PTPRC: variants seen among roughly 807,000 people sequenced by gnomAD.
The protein encoded by PTPRC is receptor-type tyrosine-protein phosphatase C.
PTPRC carries 44 observed loss-of-function variants against 155.9 expected under a neutral mutation model. The ratio of observed to expected loss-of-function variants is 0.28; its 90% CI spans 0.22 to 0.36. The LOEUF is 0.36. PTPRC is among the 10% of genes least tolerant of loss of function. PTPRC has a pLI of 1.00. For synonymous variants in PTPRC, 525 were observed against 533.1 expected, an observed-to-expected ratio of 0.98 and a Z score of 0.21; for missense variants, 1,401 against 1,564.6, an observed-to-expected ratio of 0.90 and a Z score of 1.76.
intron 2 of PTPRC, among the ~76,000 whole-genome samples, chr1:198,689,729 T>C (rs1188309738): frequency 6.6e-6 from 1 of 152,192 alleles, no homozygotes; most frequent in Non-Finnish European, 1.5e-5. Flanking sequence ...AGCAATTACT[T>C]ATCAATCACT....
intron 3 of PTPRC, chr1:198,694,393 C>G (rs12134940): frequency 9.2e-7 from 1 of 1,088,792 alleles, no homozygotes; most frequent in Non-Finnish European, 1.2e-6. Flanking sequence ...CTTGGCAATA[C>G]GCTCACAGGC....
chr1:198,694,699 T>A, intron 3 of PTPRC: 1 of 976,018 alleles, frequency 1.0e-6, no homozygotes, highest in African/African-American at 1.8e-5. Context: ...TAGAAAGAAT[T>A]CTAAACTCTC....
chr1:198,714,820 G>T (rs1007713334), intron 12 of PTPRC, among the ~76,000 whole-genome samples: 3 of 152,076 alleles, frequency 2.0e-5, no homozygotes, highest in Non-Finnish European at 2.9e-5. Flanking sequence ...TATGAAATTT[G>T]CAGTTTACTT....
intron 2 of PTPRC, among the ~76,000 whole-genome samples, chr1:198,678,806 G>A (rs187439458): frequency 3.3e-4 from 49 of 148,388 alleles, no homozygotes; most frequent in Middle Eastern, 3.5e-3. Context: ...CTCTATTACT[G>A]TGGGCCTGGT....
chr1:198,675,826 G>A (rs978722568), intron 2 of PTPRC, among the ~76,000 whole-genome samples: 5 of 151,994 alleles, frequency 3.3e-5, no homozygotes, highest in African/African-American at 9.7e-5. Context: ...CTATATTCTC[G>A]GAAGGGATAA....
chr1:198,686,071 T>C (rs191332849), intron 2 of PTPRC, among the ~76,000 whole-genome samples: 39 of 152,230 alleles, frequency 2.6e-4, no homozygotes, highest in Admixed American at 3.9e-4. Flanking sequence ...GATCAGGGAC[T>C]TAGGGGTGTG....
At chr1:198,735,312 G>GA (rs1263344754) in intron 23 of PTPRC, 60 bp downstream of exon 23, 1 of 1,356,616 alleles carries the variant, frequency 7.4e-7, no homozygotes, top group East Asian at 2.6e-5. Flanking sequence ...TATAATTATG[G>GA]AATATTAAAA....
rs1392012289 is a variant in PTPRC, at chr1:198,752,757, T to C, written c.3494T>C (p.Leu1165Pro). 4.3e-6 allele frequency: 7 copies of C among 1,612,684 alleles called. No homozygotes were observed. In the South Asian group the frequency reaches 7.7e-5, roughly 18 times the overall value. ...AACAAGCATCACAAGAGTACACCTC[T>C]ACTCATTCACTGCAGGTGCGTGGGA... The part of the protein sequence containing the change: ...EGNKHHKSTP[L>P]LIHCRDGSQQ... Residue 1165 changes from leucine to proline, a missense_variant, in exon 31 of 33, where the codon CTA becomes CCA. By Grantham distance (98) the Leu-to-Pro change is moderately conservative. Around this residue, in one of 3 missense-constraint regions of PTPRC, gnomAD observed 400 missense variants for 389.5 expected, o/e 1.03. Transcript: ENST00000442510.
intron 24 of PTPRC, 96 bp downstream of exon 24, chr1:198,742,122 T>C: frequency 6.2e-7 from 1 of 1,600,710 alleles, no homozygotes; most frequent in Non-Finnish European, 8.6e-7. Context: ...CCTTTGGCAA[T>C]TGCTATTTTG....
At chr1:198,735,764 T>TATA (rs1654607387) in intron 23 of PTPRC, among the ~76,000 whole-genome samples, 1 of 151,624 alleles carries the variant, frequency 6.6e-6, no homozygotes, top group African/African-American at 2.4e-5. Flanking sequence ...ATGCATGTTA[T>TATA]ATAATTCCAT....
intron 15 of PTPRC, among the ~76,000 whole-genome samples, chr1:198,726,866 C>CTT (rs575567355): frequency 4.4e-4 from 61 of 138,090 alleles, no homozygotes; most frequent in East Asian, 1.0e-3. Context: ...CTTTTCTTTC[C>CTT]TTTTTTTTTT....
intron 20 of PTPRC, 106 bp downstream of exon 20, chr1:198,732,662 CAT>C (rs1654449869): frequency 1.1e-6 from 1 of 875,748 alleles, no homozygotes; most frequent in Admixed American, 2.3e-5. Flanking sequence ...GAAGTGAGCC[CAT>C]ATGTCACTGA....
intron 2 of PTPRC, among the ~76,000 whole-genome samples, chr1:198,684,847 G>T (rs1234549804): frequency 6.6e-6 from 1 of 151,876 alleles, no homozygotes; most frequent in Admixed American, 6.6e-5. Context: ...TCTCCCAAGT[G>T]CCTCTTTTGT....
At chr1:198,695,046 T>G (rs889477381) in intron 3 of PTPRC, 1 of 937,336 alleles carries the variant, frequency 1.1e-6, no homozygotes, top group African/African-American at 1.8e-5. Context: ...TGCATTTCTG[T>G]AATCACAGAA....
At chr1:198,646,095 A>T (rs191912165) in intron 2 of PTPRC, among the ~76,000 whole-genome samples, 2 of 151,984 alleles carry the variant, frequency 1.3e-5, no homozygotes, top group African/African-American at 2.4e-5. Flanking sequence ...ACCAACATTT[A>T]TGAGTTTTCC....
At chr1:198,720,432 C>T (rs572827858) in intron 14 of PTPRC, among the ~76,000 whole-genome samples, 5 of 152,030 alleles carry the variant, frequency 3.3e-5, no homozygotes, top group African/African-American at 4.8e-5. Flanking sequence ...CAGGTTCAAG[C>T]GATTCTCCTG....
chr1:198,684,377 T>C (rs896649690), intron 2 of PTPRC, among the ~76,000 whole-genome samples: 3 of 151,794 alleles, frequency 2.0e-5, no homozygotes, highest in Non-Finnish European at 4.4e-5. Context: ...ACACCATAAG[T>C]CATTGGGAGA....
At chr1:198,663,922 T>C (rs764305615) in intron 2 of PTPRC, among the ~76,000 whole-genome samples, 1 of 152,120 alleles carries the variant, frequency 6.6e-6, no homozygotes, top group Non-Finnish European at 1.5e-5. Flanking sequence ...CAACAGAGTA[T>C]TGAGACAAAA....
intron 14 of PTPRC, among the ~76,000 whole-genome samples, chr1:198,721,888 T>G (rs1653905715): frequency 6.6e-6 from 1 of 151,516 alleles, no homozygotes; most frequent in Non-Finnish European, 1.5e-5. Context: ...GCTCTTTTCA[T>G]TTTCCCTGTA....
Sources: gnomAD v4.1 joint callset for allele counts (sites outside exome capture counted in the v4.1 genomes callset) on GRCh38, gnomAD v4.1.1 for gene constraint, gnomAD v4.1.1 regional missense constraint, MANE v1.5 for transcripts, NCBI Gene and HGNC (gene_info 2026-07-23, HGNC 2026-07-21) for gene names.